The following GARRE1 variants were observed in gnomAD, a reference collection of about 807,000 sequenced individuals.
GARRE1 encodes granule associated Rac and RHOG effector protein 1.
GARRE1 carries 49 observed loss-of-function variants against 103.2 expected under a neutral mutation model. That is an observed-to-expected ratio of 0.47 (90% CI 0.38 to 0.60). The LOEUF (loss-of-function observed/expected upper bound fraction) is 0.60. GARRE1 is among the 20% of genes least tolerant of loss of function. The probability of loss-of-function intolerance (pLI) is 0.00; values close to 1 mark genes in which losing one functional copy is unlikely to be tolerated. For synonymous variants in GARRE1, 505 were observed against 532.8 expected, an observed-to-expected ratio of 0.95 and a Z score of 0.72; for missense variants, 1,199 against 1,370.5, an observed-to-expected ratio of 0.87 and a Z score of 1.98.
At chr19:34,344,987 C>A (rs1399976394) in intron 10 of GARRE1, among the ~76,000 whole-genome samples, 2 of 152,198 alleles carry the variant, frequency 1.3e-5, no homozygotes, top group Non-Finnish European at 2.9e-5. Flanking sequence ...TACAGGCGCA[C>A]GCTACCATGC....
At chr19:34,318,812 C>T (rs2074071675) in intron 2 of GARRE1, among the ~76,000 whole-genome samples, 1 of 152,090 alleles carries the variant, frequency 6.6e-6, no homozygotes, top group Non-Finnish European at 1.5e-5. Flanking sequence ...GAGGCCGAGG[C>T]AGGTGGATCA....
At chr19:34,291,343 CTTA>C (rs993824730) in intron 1 of GARRE1, among the ~76,000 whole-genome samples, 1 of 152,198 alleles carries the variant, frequency 6.6e-6, no homozygotes, top group African/African-American at 2.4e-5. Context: ...CCCTGGAAAA[CTTA>C]TTTATTATTA....
chr19:34,296,633 G>A (rs1225340461), intron 1 of GARRE1: 3 of 1,153,812 alleles, frequency 2.6e-6, no homozygotes. Context: ...GGAACCTGGG[G>A]TCCATCCACT....
At chr19:34,305,769 A>G (rs1419743073) in intron 2 of GARRE1, among the ~76,000 whole-genome samples, 1 of 152,224 alleles carries the variant, frequency 6.6e-6, no homozygotes, top group Non-Finnish European at 1.5e-5. Flanking sequence ...AGAACGGGAA[A>G]TACTTATTGT....
chr19:34,333,485 A>G (rs548602981), intron 7 of GARRE1, among the ~76,000 whole-genome samples: 8 of 152,322 alleles, frequency 5.3e-5, no homozygotes, highest in African/African-American at 1.7e-4. Flanking sequence ...ATTTAATTCC[A>G]TGCCCAGAAT....
chr19:34,280,309 A>G (rs1406347422), intron 1 of GARRE1, among the ~76,000 whole-genome samples: 1 of 152,228 alleles, frequency 6.6e-6, no homozygotes, highest in East Asian at 1.9e-4. Flanking sequence ...GATTTAAGCT[A>G]TATCACTAGT....
intron 10 of GARRE1, among the ~76,000 whole-genome samples, chr19:34,344,487 A>G (rs2074201252): frequency 6.8e-6 from 1 of 148,052 alleles, no homozygotes; most frequent in Non-Finnish European, 1.5e-5. Flanking sequence ...GCTACTTGGG[A>G]GGCTGAGGCA....
At chr19:34,320,944 A>G (rs902490823) in intron 3 of GARRE1, among the ~76,000 whole-genome samples, 1 of 129,836 alleles carries the variant, frequency 7.7e-6, no homozygotes. Context: ...AAGTCTCACT[A>G]TGTTGTCCAG....
chr19:34,299,189 C>T (rs534741518), intron 1 of GARRE1, among the ~76,000 whole-genome samples: 1 of 152,302 alleles, frequency 6.6e-6, no homozygotes, highest in East Asian at 1.9e-4. Context: ...TTGTCCAAAC[C>T]TATCCTACAA....
chr19:34,277,911 C>A (rs1008863965), intron 1 of GARRE1, among the ~76,000 whole-genome samples: 7 of 102,370 alleles, frequency 6.8e-5, no homozygotes, highest in Admixed American at 1.4e-4. Flanking sequence ...ACCCCCCCCC[C>A]CCACCCCCAG....
chr19:34,311,533 C>T (rs1015264332), intron 2 of GARRE1, among the ~76,000 whole-genome samples: 2 of 152,160 alleles, frequency 1.3e-5, no homozygotes, highest in Non-Finnish European at 1.5e-5. Context: ...CCTTGTGATG[C>T]CCTGGCGTCT....
At chr19:34,283,172 G>A (rs1369581151) in intron 1 of GARRE1, among the ~76,000 whole-genome samples, 1 of 152,168 alleles carries the variant, frequency 6.6e-6, no homozygotes, top group African/African-American at 2.4e-5. Context: ...GACTGAAGTG[G>A]ATCTAAAATT....
intron 1 of GARRE1, among the ~76,000 whole-genome samples, chr19:34,262,226 G>T (rs994988725): frequency 1.4e-5 from 2 of 139,550 alleles, no homozygotes; most frequent in Admixed American, 1.5e-4. Flanking sequence ...CTTGTGATCC[G>T]CCCACCTTGG....
rs568579547 is a variant in GARRE1 at position 34,293,483 on chromosome 19, C to T, written c.-795-6196C>T. ...TGATCATGGTTCACTGCAGCCTCAA[C>T]TTTTCAGGCTCAAGTGATCCTCCCA... On this transcript the variant is annotated intron_variant, in intron 1 of 13. Coordinates refer to ENST00000299505, the MANE Select transcript of GARRE1 (RefSeq NM_014686.5). 9.3e-5 allele frequency among the ~76,000 whole-genome samples: 14 copies of T among 151,134 alleles called. No homozygotes were observed. The South Asian group carries it at 2.7e-3, about 29-fold the overall frequency.
At chr19:34,283,342 A>G (rs2073866292) in intron 1 of GARRE1, among the ~76,000 whole-genome samples, 1 of 152,156 alleles carries the variant, frequency 6.6e-6, no homozygotes, top group African/African-American at 2.4e-5. Context: ...TGCGATTGGT[A>G]GATTTCTATT....
intron 2 of GARRE1, among the ~76,000 whole-genome samples, chr19:34,312,921 C>G (rs1434999052): frequency 6.6e-6 from 1 of 151,954 alleles, no homozygotes; most frequent in Non-Finnish European, 1.5e-5. Context: ...AAGTGAAACT[C>G]CGTCTCAGAA....
chr19:34,263,500 C>CA (rs1464500162), intron 1 of GARRE1, among the ~76,000 whole-genome samples: 2 of 147,224 alleles, frequency 1.4e-5, no homozygotes, highest in African/African-American at 5.0e-5. Flanking sequence ...TTTTTTGAGA[C>CA]AGAGTCTTGC....
At chr19:34,270,169 C>T (rs974330235) in intron 1 of GARRE1, among the ~76,000 whole-genome samples, 10 of 152,256 alleles carry the variant, frequency 6.6e-5, no homozygotes, top group African/African-American at 2.4e-4. Flanking sequence ...GAGGCGGCTC[C>T]TGGCTGGCTG....
rs1477152635 is a variant in GARRE1, at chr19:34,354,998, A to G, written c.*2043A>G. The G allele has an allele frequency of 6.6e-6, 1 of 152,652 alleles. No homozygotes were observed. The highest frequency in any genetic ancestry group is 2.4e-5 in the African/African-American group (1 of 41,448). The allele number at this position is 152,652 out of a possible 1,614,324, so 9.5% of individuals were successfully genotyped here. On this transcript the variant is annotated 3_prime_UTR_variant, in exon 14 of 14. Transcript: ENST00000299505. The stretch of plus-strand genomic sequence containing the variant: ...CTGTGTTAGCTGTCACGGTGTGCAC[A>G]CTAATCTCTGTTAAAGTTGTCTATG...
Sources: gnomAD v4.1 joint callset for allele counts (sites outside exome capture counted in the v4.1 genomes callset) on GRCh38, gnomAD v4.1.1 for gene constraint, MANE v1.5 for transcripts, NCBI Gene and HGNC (gene_info 2026-07-23, HGNC 2026-07-21) for gene names.